The following LRP1B variants were observed in gnomAD, a reference collection of about 807,000 sequenced individuals.
LRP1B encodes the protein low-density lipoprotein receptor-related protein 1B.
Under a neutral mutation model 556.6 loss-of-function variants are expected in LRP1B, and 217 were observed. That is an observed-to-expected ratio of 0.39 (90% confidence interval 0.35 to 0.44). LRP1B has a LOEUF of 0.44. Ranked by LOEUF, LRP1B falls within the 20% of genes least tolerant of loss-of-function variation. The pLI is 1.00. For missense variants in LRP1B, 5,053 were observed against 5,620.8 expected, an observed-to-expected ratio of 0.90 and a Z score of 3.23; for synonymous variants, 2,047 against 1,865.8, an observed-to-expected ratio of 1.10 and a Z score of -2.50.
intron 2 of LRP1B, among the ~76,000 whole-genome samples, chr2:141,628,307 G>T (rs1055550648): frequency 6.6e-6 from 1 of 152,098 alleles, no homozygotes; most frequent in Non-Finnish European, 1.5e-5. Context: ...CATTGTATTG[G>T]ATTCAGAAAG....
chr2:141,219,209 G>T (rs1268900649), intron 6 of LRP1B, among the ~76,000 whole-genome samples: 2 of 152,180 alleles, frequency 1.3e-5, no homozygotes, highest in Admixed American at 6.5e-5. Context: ...TGAGTTCCTT[G>T]GGGGAGAGGC....
intron 69 of LRP1B, 63 bp from the exon 70 acceptor site, chr2:140,371,348 A>G: frequency 1.1e-5 from 8 of 742,412 alleles, no homozygotes; most frequent in Non-Finnish European, 1.7e-5. Context: ...AGAAATAAAA[A>G]CATAAACACA....
intron 14 of LRP1B, among the ~76,000 whole-genome samples, chr2:141,006,052 C>A (rs1349610068): frequency 6.6e-6 from 1 of 152,002 alleles, no homozygotes; most frequent in Middle Eastern, 3.4e-3. Context: ...ACGAGGTATA[C>A]AACAGACATA....
chr2:141,586,586 T>G (rs950050951), intron 2 of LRP1B, among the ~76,000 whole-genome samples: 1 of 152,154 alleles, frequency 6.6e-6, no homozygotes, highest in African/African-American at 2.4e-5. Flanking sequence ...ATGATGATGT[T>G]TATATTTGTA....
At chr2:140,647,883 A>C (rs562492867) in intron 41 of LRP1B, among the ~76,000 whole-genome samples, 1 of 152,286 alleles carries the variant, frequency 6.6e-6, no homozygotes, top group Non-Finnish European at 1.5e-5. Context: ...CAGTGTGGCG[A>C]TTCCTCAAGG....
intron 7 of LRP1B, among the ~76,000 whole-genome samples, chr2:141,156,716 T>C (rs1262138858): frequency 1.3e-5 from 2 of 151,880 alleles, no homozygotes; most frequent in African/African-American, 2.4e-5. Context: ...AGTTCTCTCA[T>C]AGATATATAT....
At chr2:140,253,190 TTTG>T (rs1681529636) in intron 86 of LRP1B, among the ~76,000 whole-genome samples, 1 of 152,062 alleles carries the variant, frequency 6.6e-6, no homozygotes, top group Non-Finnish European at 1.5e-5. Flanking sequence ...ACAGTAAACA[TTTG>T]TTAACTAATA....
In LRP1B at chr2:140,450,657, C is replaced by T. The variant is rs759169172; in HGVS notation, c.9968G>A (p.Arg3323His). The T allele has an allele frequency of 1.4e-4, 227 of 1,598,620 alleles. No homozygotes were observed. The highest frequency in any genetic ancestry group is 4.4e-4 in the South Asian group (39 of 88,744). ...CLSNCTASQF[R>H]CKTDKCIPFW... is the part of the protein sequence containing the mutation. Reference sequence around the variant, plus strand: ...TGGAATACATTTGTCAGTTTTGCAACGAAACTTAAAAAAGAAAAAAAGAAA... The same window carrying T: ...TGGAATACATTTGTCAGTTTTGCAATGAAACTTAAAAAAGAAAAAAAGAAA... Residue 3323 changes from arginine (R) to histidine (H), a missense_variant, in exon 63 of 91, where the codon CGT becomes CAT. By Grantham distance (29) the Arg-to-His change is conservative. Around this residue, in one of 5 missense-constraint regions of LRP1B, gnomAD observed 262 missense variants for 395.1 expected, o/e 0.66. Coordinates refer to ENST00000389484, the MANE Select transcript of LRP1B (RefSeq NM_018557.3).
intron 3 of LRP1B, among the ~76,000 whole-genome samples, chr2:141,415,304 C>G (rs1295991053): frequency 6.6e-6 from 1 of 152,186 alleles, no homozygotes; most frequent in Non-Finnish European, 1.5e-5. Flanking sequence ...TGAGCCACCA[C>G]GCCCGGCCTC....
chr2:142,101,503 T>C (rs1203362880), intron 1 of LRP1B, among the ~76,000 whole-genome samples: 2 of 152,020 alleles, frequency 1.3e-5, no homozygotes, highest in Non-Finnish European at 1.5e-5. Flanking sequence ...AAACATATAT[T>C]CATATATCCT....
intron 3 of LRP1B, among the ~76,000 whole-genome samples, chr2:141,355,077 G>C (rs1164048290): frequency 6.6e-6 from 1 of 151,816 alleles, no homozygotes; most frequent in Non-Finnish European, 1.5e-5. Flanking sequence ...AATAATGTGT[G>C]GTAAGAATTT....
intron 41 of LRP1B, among the ~76,000 whole-genome samples, chr2:140,612,272 C>A (rs2105227703): frequency 6.6e-6 from 1 of 152,230 alleles, no homozygotes; most frequent in East Asian, 1.9e-4. Context: ...CATATCACCA[C>A]TTTTACTTCA....
chr2:140,401,401 C>T (rs1472681743), intron 66 of LRP1B, among the ~76,000 whole-genome samples: 2 of 152,162 alleles, frequency 1.3e-5, no homozygotes, highest in African/African-American at 4.8e-5. Flanking sequence ...TGCTATTCCC[C>T]ATTCCTTGCG....
chr2:141,329,560 C>T (rs1687557685), intron 3 of LRP1B, among the ~76,000 whole-genome samples: 1 of 148,168 alleles, frequency 6.7e-6, no homozygotes, highest in Non-Finnish European at 1.5e-5. Flanking sequence ...AGGAGAATGG[C>T]GTGAACCTGG....
At chr2:141,734,392 C>G (rs1387690110) in intron 2 of LRP1B, among the ~76,000 whole-genome samples, 2 of 151,806 alleles carry the variant, frequency 1.3e-5, no homozygotes, top group African/African-American at 4.8e-5. Flanking sequence ...CTTATCACCA[C>G]TAAAGAATCT....
At chr2:141,044,960 C>G (rs1316387092) in intron 11 of LRP1B, among the ~76,000 whole-genome samples, 1 of 150,448 alleles carries the variant, frequency 6.6e-6, no homozygotes, top group Non-Finnish European at 1.5e-5. Context: ...GCTATAAAGA[C>G]ACAGGCACAC....
chr2:140,370,983 TA>T, intron 70 of LRP1B, 141 bp from the exon 71 acceptor site: 1 of 1,009,206 alleles, frequency 9.9e-7, no homozygotes, highest in Non-Finnish European at 1.4e-6. Context: ...ATATAACTTC[TA>T]CAAATGAGAA....
chr2:141,506,473 A>G (rs939550558), intron 2 of LRP1B, among the ~76,000 whole-genome samples: 8 of 152,128 alleles, frequency 5.3e-5, no homozygotes, highest in African/African-American at 1.9e-4. Flanking sequence ...TTATACGTGC[A>G]CTAGTGTAAC....
In LRP1B at chr2:140,322,048, GCAAAGAAATTCGCATGCTAAAT is replaced by G; in HGVS notation, c.12533_12554del (p.Asp4178AlafsTer3). The G allele has an allele frequency of 6.2e-7, 1 of 1,612,882 alleles. No homozygotes were observed. Among genetic ancestry groups the G allele is most frequent in the East Asian group, 2.2e-5 (1 of 44,758 alleles). On this transcript the variant is annotated frameshift_variant, in exon 82 of 91. Coordinates refer to ENST00000389484, the MANE Select transcript of LRP1B (RefSeq NM_018557.3). LOFTEE classifies it high-confidence loss of function. ...AAGTGGCCCCAGAAGGATTTAGCAA[GCAAAGAAATTCGCATGCTAAAT>G]CCAAGCATGGATTGGGTACTGGTGA...
Sources: allele counts gnomAD v4.1 joint callset (sites outside exome capture counted in the v4.1 genomes callset), GRCh38; gene constraint gnomAD v4.1.1; regional missense constraint gnomAD v4.1.1; transcripts MANE v1.5; gene names NCBI Gene and HGNC (gene_info 2026-07-23, HGNC 2026-07-21).